Variants in PLPPR1 observed in about 807,000 individuals in gnomAD.
The protein encoded by PLPPR1 is phospholipid phosphatase-related protein type 1.
In PLPPR1, 10 loss-of-function variants were observed where a neutral mutation model predicts 33.1. The observed-to-expected ratio is 0.30, with a 90% confidence interval of 0.19 to 0.51. The LOEUF (loss-of-function observed/expected upper bound fraction) is 0.51, where lower values mean the gene tolerates loss of function less well. PLPPR1 is among the 20% of genes least tolerant of loss of function. The pLI is 0.97. For missense variants in PLPPR1, 304 were observed against 408.1 expected (o/e 0.74, Z 2.20); for synonymous variants, 151 against 151.0 (o/e 1.00, Z 0.00).
At chr9:101,143,005 T>A (rs1480196517) in intron 1 of PLPPR1, among the ~76,000 whole-genome samples, 1 of 152,156 alleles carries the variant, frequency 6.6e-6, no homozygotes, top group Non-Finnish European at 1.5e-5. Flanking sequence ...TCAGTGATTT[T>A]TTTTTTTCTC....
intron 1 of PLPPR1, among the ~76,000 whole-genome samples, chr9:101,102,148 T>C (rs1564145150): frequency 1.3e-5 from 1 of 76,946 alleles, no homozygotes; most frequent in Non-Finnish European, 2.4e-5. Flanking sequence ...CTTTTTTTTT[T>C]TATTTTATTA....
At chr9:101,151,145 G>A (rs946778345) in intron 1 of PLPPR1, among the ~76,000 whole-genome samples, 72 of 152,146 alleles carry the variant, frequency 4.7e-4, no homozygotes, top group Middle Eastern at 3.4e-3. Flanking sequence ...CAGATGAAAA[G>A]AAAGCCATGT....
intron 2 of PLPPR1, among the ~76,000 whole-genome samples, chr9:101,232,874 A>G (rs1323382999): frequency 6.6e-6 from 1 of 151,982 alleles, no homozygotes; most frequent in East Asian, 1.9e-4. Context: ...CCGGTTGTTC[A>G]TAGGTACCTA....
chr9:101,288,104 A>G (rs969492692), intron 4 of PLPPR1, among the ~76,000 whole-genome samples: 5 of 152,180 alleles, frequency 3.3e-5, no homozygotes, highest in African/African-American at 4.8e-5. Context: ...AAAAATTTTG[A>G]CTGGCACTTG....
intron 1 of PLPPR1, among the ~76,000 whole-genome samples, chr9:101,108,724 C>A (rs1831010818): frequency 6.6e-6 from 1 of 152,176 alleles, no homozygotes; most frequent in South Asian, 2.1e-4. Flanking sequence ...CCACTTCATG[C>A]CATAAATTAA....
At chr9:101,240,537 A>T (rs1179051427) in intron 2 of PLPPR1, among the ~76,000 whole-genome samples, 1 of 148,590 alleles carries the variant, frequency 6.7e-6, no homozygotes, top group African/African-American at 2.5e-5. Flanking sequence ...TTAGGATGAC[A>T]TGAAAAAATT....
chr9:101,266,520 T>C (rs1828002179), intron 2 of PLPPR1, among the ~76,000 whole-genome samples: 2 of 152,070 alleles, frequency 1.3e-5, no homozygotes, highest in African/African-American at 4.8e-5. Flanking sequence ...TGGTGGGTGG[T>C]CAGTTCTGTC....
intron 1 of PLPPR1, among the ~76,000 whole-genome samples, chr9:101,133,794 G>A (rs1271005373): frequency 6.6e-6 from 1 of 152,144 alleles, no homozygotes; most frequent in Non-Finnish European, 1.5e-5. Context: ...AGTAAAAACA[G>A]GCACTTAAGC....
At chr9:101,287,947 T>C (rs1253358787) in intron 4 of PLPPR1, among the ~76,000 whole-genome samples, 2 of 152,228 alleles carry the variant, frequency 1.3e-5, no homozygotes, top group Non-Finnish European at 2.9e-5. Context: ...GTCCGATCTA[T>C]TTCCTGTATA....
At chr9:101,161,709 G>A (rs769922919) in intron 1 of PLPPR1, among the ~76,000 whole-genome samples, 1 of 151,952 alleles carries the variant, frequency 6.6e-6, no homozygotes, top group African/African-American at 2.4e-5. Flanking sequence ...TGTCTTATAA[G>A]GGGATTTTCC....
chr9:101,043,195 A>T (rs558983238), intron 1 of PLPPR1, among the ~76,000 whole-genome samples: 1 of 152,142 alleles, frequency 6.6e-6, no homozygotes, highest in Admixed American at 6.5e-5. Context: ...TACTTACTAT[A>T]ATAGTCTCCA....
intron 2 of PLPPR1, among the ~76,000 whole-genome samples, chr9:101,246,473 G>T (rs928890657): frequency 3.3e-5 from 5 of 151,918 alleles, no homozygotes; most frequent in Non-Finnish European, 5.9e-5. Context: ...AGCTCTTCAG[G>T]TAATTAGCTT....
chr9:101,245,284 C>CT lies in PLPPR1; in HGVS notation c.64-24594dup, dbSNP rs1179959044. The stretch of plus-strand genomic sequence containing the variant: ...AATTTAAACAATGAAAATAAATGAA[C>CT]TTCAGCTACGTGCAAGAATGTGGAT... On this transcript the variant is annotated intron_variant, in intron 2 of 7. Coordinates refer to ENST00000374874, the MANE Select transcript of PLPPR1 (RefSeq NM_207299.2). 3.3e-5 allele frequency among the ~76,000 whole-genome samples: 5 copies of CT among 152,094 alleles called. No individual in the cohort carries two copies. The East Asian group carries it at 9.7e-4, about 30-fold the overall frequency.
chr9:101,264,486 C>T (rs960296705), intron 2 of PLPPR1, among the ~76,000 whole-genome samples: 10 of 152,154 alleles, frequency 6.6e-5, no homozygotes, highest in South Asian at 4.1e-4. Flanking sequence ...CCTGCAGCCA[C>T]GCATAACTCC....
At chr9:101,304,677 A>G (rs1165597984) in intron 4 of PLPPR1, among the ~76,000 whole-genome samples, 1 of 152,188 alleles carries the variant, frequency 6.6e-6, no homozygotes, top group Non-Finnish European at 1.5e-5. Flanking sequence ...TCATCAGCAG[A>G]AGTGTGACTT....
chr9:101,091,179 C>G (rs541856063), intron 1 of PLPPR1, among the ~76,000 whole-genome samples: 1 of 152,234 alleles, frequency 6.6e-6, no homozygotes, highest in East Asian at 1.9e-4. Context: ...TGTTTCTCCC[C>G]TCCTATGTTT....
intron 4 of PLPPR1, among the ~76,000 whole-genome samples, chr9:101,304,913 C>A (rs1036772605): frequency 6.6e-6 from 1 of 152,058 alleles, no homozygotes; most frequent in Non-Finnish European, 1.5e-5. Flanking sequence ...TCTTGGAATG[C>A]GAAATGCCCA....
chr9:101,159,206 C>G (rs1176413769), intron 1 of PLPPR1, among the ~76,000 whole-genome samples: 2 of 152,126 alleles, frequency 1.3e-5, no homozygotes, highest in Non-Finnish European at 2.9e-5. Context: ...AACAAGCCCC[C>G]AGTCACAGAA....
At chr9:101,147,492 G>T (rs1296229739) in intron 1 of PLPPR1, among the ~76,000 whole-genome samples, 1 of 152,098 alleles carries the variant, frequency 6.6e-6, no homozygotes, top group Non-Finnish European at 1.5e-5. Flanking sequence ...ATAGCATAAA[G>T]CATAGAGACC....
Sources: allele counts gnomAD v4.1 joint callset (sites outside exome capture counted in the v4.1 genomes callset), GRCh38; gene constraint gnomAD v4.1.1; transcripts MANE v1.5; gene names NCBI Gene and HGNC (gene_info 2026-07-23, HGNC 2026-07-21).